Variants in NKAIN3 observed in about 807,000 individuals in gnomAD.
NKAIN3 encodes the protein sodium/potassium-transporting ATPase subunit beta-1-interacting protein 3.
NKAIN3 carries 25 observed loss-of-function variants against 30.2 expected under a neutral mutation model. The observed-to-expected ratio is 0.83, with a 90% CI of 0.60 to 1.16. NKAIN3 has a LOEUF of 1.16. Ranked by LOEUF, NKAIN3 falls within the 50% of genes most tolerant of loss-of-function variation. The probability of loss-of-function intolerance (pLI) is 0.00; values close to 1 mark genes in which losing one functional copy is unlikely to be tolerated. For missense variants in NKAIN3, 225 were observed against 254.1 expected, an observed-to-expected ratio of 0.89 and a Z score of 0.78; for synonymous variants, 91 against 89.6, an observed-to-expected ratio of 1.02 and a Z score of -0.09.
chr8:62,571,259 C>T (rs987735945), intron 1 of NKAIN3, among the ~76,000 whole-genome samples: 1 of 151,972 alleles, frequency 6.6e-6, no homozygotes. Context: ...CCTCAGCCTC[C>T]CAAGCAGCTG....
At chr8:62,749,136 T>TA (rs1433653022) in intron 4 of NKAIN3, among the ~76,000 whole-genome samples, 1 of 152,200 alleles carries the variant, frequency 6.6e-6, no homozygotes, top group Non-Finnish European at 1.5e-5. Context: ...TACTCTCCTT[T>TA]AAAAAATTAT....
chr8:62,407,687 T>C (rs2129595670), intron 1 of NKAIN3, among the ~76,000 whole-genome samples: 1 of 152,350 alleles, frequency 6.6e-6, no homozygotes, highest in East Asian at 1.9e-4. Flanking sequence ...CGCCTCAGCC[T>C]CCCAAAGTGC....
At chr8:62,926,001 C>G (rs1822430851) in intron 5 of NKAIN3, among the ~76,000 whole-genome samples, 1 of 152,112 alleles carries the variant, frequency 6.6e-6, no homozygotes, top group Admixed American at 6.5e-5. Context: ...CAGTGCCAGG[C>G]TGTGCAGCAC....
intron 1 of NKAIN3, among the ~76,000 whole-genome samples, chr8:62,385,342 T>G (rs1277513249): frequency 6.6e-6 from 1 of 152,072 alleles, no homozygotes; most frequent in African/African-American, 2.4e-5. Context: ...AAGCCTATGG[T>G]GGGTATTGTT....
intron 1 of NKAIN3, among the ~76,000 whole-genome samples, chr8:62,457,364 A>G (rs1019527692): frequency 6.6e-5 from 10 of 152,232 alleles, no homozygotes; most frequent in African/African-American, 2.4e-4. Flanking sequence ...ACACATGAGC[A>G]AAGCCCTTGC....
intron 3 of NKAIN3, among the ~76,000 whole-genome samples, chr8:62,727,828 C>T (rs184836589): frequency 6.6e-6 from 1 of 152,008 alleles, no homozygotes. Flanking sequence ...CTGTGGATAT[C>T]GATAAACTGT....
At chr8:62,507,779 G>C (rs908649411) in intron 1 of NKAIN3, among the ~76,000 whole-genome samples, 3 of 152,160 alleles carry the variant, frequency 2.0e-5, no homozygotes, top group African/African-American at 4.8e-5. Context: ...TATGGAATCT[G>C]TAAAAGAAAT....
chr8:62,763,108 C>A (rs1044161296), intron 4 of NKAIN3, among the ~76,000 whole-genome samples: 6 of 151,310 alleles, frequency 4.0e-5, no homozygotes, highest in African/African-American at 1.5e-4. Context: ...GTAGTCCCAG[C>A]TACTCAGGAG....
intron 4 of NKAIN3, among the ~76,000 whole-genome samples, chr8:62,791,650 G>A (rs1817704089): frequency 6.6e-6 from 1 of 151,998 alleles, no homozygotes; most frequent in African/African-American, 2.4e-5. Flanking sequence ...CAGTTATGTT[G>A]AAGTGTTTCT....
At chr8:62,426,165 A>G (rs532979301) in intron 1 of NKAIN3, among the ~76,000 whole-genome samples, 1 of 152,076 alleles carries the variant, frequency 6.6e-6, no homozygotes, top group South Asian at 2.1e-4. Context: ...AAATCTTGGC[A>G]TTGAGAAAGG....
At chr8:62,686,610 A>G (rs144687718) in intron 3 of NKAIN3, among the ~76,000 whole-genome samples, 4 of 152,322 alleles carry the variant, frequency 2.6e-5, no homozygotes, top group Admixed American at 6.5e-5. Context: ...AGAATAATTA[A>G]TGGAAAATAG....
At chr8:62,941,343 A>G (rs1334025722) in intron 5 of NKAIN3, among the ~76,000 whole-genome samples, 1 of 152,050 alleles carries the variant, frequency 6.6e-6, no homozygotes, top group Non-Finnish European at 1.5e-5. Context: ...TGGTACCAAT[A>G]CTATTGACAC....
At chr8:62,746,703 A>G (rs1816081311) in intron 3 of NKAIN3, among the ~76,000 whole-genome samples, 1 of 152,202 alleles carries the variant, frequency 6.6e-6, no homozygotes, top group Non-Finnish European at 1.5e-5. Context: ...TGTTGCCCTT[A>G]AAATGTTAAT....
At chr8:62,775,293 AT>A (rs1191198632) in intron 4 of NKAIN3, among the ~76,000 whole-genome samples, 2 of 151,200 alleles carry the variant, frequency 1.3e-5, no homozygotes, top group East Asian at 3.9e-4. Context: ...GTCTTCGTTC[AT>A]TTTTTTCTTC....
chr8:62,478,781 C>A (rs758121471), intron 1 of NKAIN3, among the ~76,000 whole-genome samples: 48 of 152,136 alleles, frequency 3.2e-4, no homozygotes, highest in Admixed American at 1.0e-3. Flanking sequence ...TAGGGGGTTG[C>A]TGACCCGTAT....
intron 4 of NKAIN3, among the ~76,000 whole-genome samples, chr8:62,885,985 T>A (rs1192793034): frequency 2.0e-5 from 3 of 152,292 alleles, no homozygotes; most frequent in South Asian, 4.1e-4. Context: ...GCATTTAAAG[T>A]AATTACTGAT....
At chr8:62,848,545 C>A (rs797001226) in intron 4 of NKAIN3, among the ~76,000 whole-genome samples, 1 of 152,202 alleles carries the variant, frequency 6.6e-6, no homozygotes, top group South Asian at 2.1e-4. Flanking sequence ...GCTGAAGTTG[C>A]TTATCAGCTT....
rs1366214003 is a variant in NKAIN3, at chr8:62,588,283, A to G, written c.193-1431A>G. On this transcript the variant is annotated intron_variant, in intron 2 of 6. Transcript: ENST00000623646. ...GAAGACTTTATGAACAGAATATATT[A>G]CAGCATCAGCAATACCTGCATATAC... Among the ~76,000 whole-genome samples the G allele has an allele frequency of 2.0e-5, 3 of 151,876 alleles. 1 individual carries two copies. The highest frequency in any genetic ancestry group is 2.1e-4 in the South Asian group (1 of 4,820).
At chr8:62,838,907 TG>T (rs1368093502) in intron 4 of NKAIN3, among the ~76,000 whole-genome samples, 1 of 152,120 alleles carries the variant, frequency 6.6e-6, no homozygotes, top group East Asian at 1.9e-4. Flanking sequence ...CTTTTAGCTT[TG>T]GATAACTCGG....
Sources: gnomAD v4.1 joint callset for allele counts (sites outside exome capture counted in the v4.1 genomes callset) on GRCh38, gnomAD v4.1.1 for gene constraint, MANE v1.5 for transcripts, NCBI Gene and HGNC (gene_info 2026-07-23, HGNC 2026-07-21) for gene names.